ITGAM: variants seen among roughly 807,000 people sequenced by gnomAD.
ITGAM encodes the protein integrin subunit alpha M.
ITGAM carries 79 observed loss-of-function variants against 137.5 expected under a neutral mutation model. That is an observed-to-expected ratio of 0.57 (90% CI 0.48 to 0.69). The LOEUF is 0.69. Ranked by LOEUF, ITGAM falls within the 30% of genes least tolerant of loss-of-function variation. The pLI, the probability that ITGAM is intolerant of heterozygous loss-of-function variation, is 0.00. For missense variants in ITGAM, 1,343 were observed against 1,483.5 expected (o/e 0.91, Z 1.56); for synonymous variants, 583 against 592.3 (o/e 0.98, Z 0.23).
chr16:31,269,220 C>G (rs912594032), intron 5 of ITGAM, among the ~76,000 whole-genome samples: 3 of 152,124 alleles, frequency 2.0e-5, no homozygotes, highest in Non-Finnish European at 2.9e-5. Flanking sequence ...TGGGCAGTGC[C>G]AGCTGATCCA....
intron 10 of ITGAM, 47 bp downstream of exon 10, chr16:31,276,791 A>G (rs2079911373): frequency 1.3e-6 from 2 of 1,572,430 alleles, no homozygotes; most frequent in Non-Finnish European, 1.7e-6. Flanking sequence ...GGGGGTAGCA[A>G]GAAGAGATAG....
Position 31,268,720 on chromosome 16 carries a change from G to A in ITGAM, c.428-2234G>A, listed in dbSNP as rs139724522. Among the ~76,000 whole-genome samples the A allele has an allele frequency of 3.1e-4, 47 of 152,268 alleles. No homozygotes were observed. The East Asian group carries it at 8.7e-3, about 28-fold the overall frequency. On this transcript the variant is annotated intron_variant, in intron 5 of 29. Transcript: ENST00000544665. ...TATTGGAGTAGAAAGGCCCTTGCCC[G>A]CTGCTCTTTGCTTGATGCCACCGCT...
intron 14 of ITGAM, among the ~76,000 whole-genome samples, chr16:31,314,073 G>T (rs1388826831): frequency 6.6e-6 from 1 of 151,904 alleles, no homozygotes; most frequent in African/African-American, 2.4e-5. Flanking sequence ...TTTTGATGGG[G>T]TTGTTTGTTT....
At chr16:31,312,967 C>G (rs1199600123) in intron 14 of ITGAM, among the ~76,000 whole-genome samples, 1 of 151,158 alleles carries the variant, frequency 6.6e-6, no homozygotes, top group African/African-American at 2.4e-5. Context: ...TGCCTGTAAT[C>G]CCAGCACTTT....
At chr16:31,261,198 C>CT (rs1017498448) in intron 1 of ITGAM, among the ~76,000 whole-genome samples, 4,061 of 123,114 alleles carry the variant, frequency 0.033, 154 homozygotes, top group African/African-American at 0.081. Context: ...ATGCTGCTAT[C>CT]TTTTTTTTTT....
intron 5 of ITGAM, among the ~76,000 whole-genome samples, chr16:31,267,057 G>A (rs1458131298): frequency 1.3e-5 from 2 of 151,880 alleles, no homozygotes; most frequent in African/African-American, 4.8e-5. Context: ...TAGCAGAGAC[G>A]GGGTTTCACC....
chr16:31,266,132 C>T lies in ITGAM; in HGVS notation c.412C>T (p.Pro138Ser). 1 of 1,613,392 alleles carries T rather than the reference C, an allele frequency of 6.2e-7. No individual in the cohort carries two copies. Among genetic ancestry groups the T allele is most frequent in the South Asian group, 1.1e-5 (1 of 91,068 alleles). ...CCTACGGCAGCAGCCCCAGAAGTTCCCAGAGGCCCTCCGAGGTGGGTTGCC... is the reference window on the plus strand; with the variant it reads ...CCTACGGCAGCAGCCCCAGAAGTTCTCAGAGGCCCTCCGAGGTGGGTTGCC... ...SNLRQQPQKF[P>S]EALRGCPQED... Residue 138 changes from proline (P) to serine (S), a missense_variant, in exon 5 of 30, where the codon CCA (proline) becomes TCA (serine). Physicochemically the swap from Pro to Ser is moderately conservative, Grantham distance 74. Coordinates refer to ENST00000544665, the MANE Select transcript of ITGAM (RefSeq NM_000632.4).
At chr16:31,265,773 C>G in intron 3 of ITGAM, 38 bp from the exon 4 acceptor site, 1 of 1,586,790 alleles carries the variant, frequency 6.3e-7, no homozygotes, top group South Asian at 1.1e-5. Context: ...TTCTCTGTCC[C>G]CCCACCAGGG....
chr16:31,287,871 A>T (rs1309200736), intron 12 of ITGAM, among the ~76,000 whole-genome samples: 2 of 152,070 alleles, frequency 1.3e-5, no homozygotes, highest in Admixed American at 6.5e-5. Flanking sequence ...TCAAGTGTGG[A>T]TTGGATGCCA....
At chr16:31,267,659 CT>C (rs200033998) in intron 5 of ITGAM, among the ~76,000 whole-genome samples, 2 of 149,170 alleles carry the variant, frequency 1.3e-5, no homozygotes, top group Admixed American at 6.7e-5. Flanking sequence ...TTTCTTTTTT[CT>C]TTTTTTTTTG....
At chr16:31,292,672 G>A (rs1311592505) in intron 12 of ITGAM, among the ~76,000 whole-genome samples, 1 of 152,008 alleles carries the variant, frequency 6.6e-6, no homozygotes, top group Non-Finnish European at 1.5e-5. Flanking sequence ...TTATTGGTGG[G>A]CATTTAGGTT....
chr16:31,321,465 T>A lies in ITGAM; in HGVS notation c.1840T>A (p.Ser614Thr). 2 of 1,613,900 alleles carry A rather than the reference T, an allele frequency of 1.2e-6. No individual in the cohort carries two copies. The highest frequency in any genetic ancestry group is 1.6e-4 in the Middle Eastern group (1 of 6,062). ...GATGGTTTTCTGGTGTCCCTTTAGGTCCCAGCCAGTACTGAGAGTCAAGGC... is the reference window on the plus strand; with the variant it reads ...GATGGTTTTCTGGTGTCCCTTTAGGACCCAGCCAGTACTGAGAGTCAAGGC... ...GAQGHVLLLR[S>T]QPVLRVKAIM... is the part of the protein sequence containing the mutation. Residue 614 changes from serine to threonine, a missense_variant and splice_region_variant, in exon 16 of 30, where the codon TCC becomes ACC. Physicochemically the swap from Ser to Thr is moderately conservative, Grantham distance 58 (BLOSUM62 1). Transcript: ENST00000544665.
chr16:31,263,939 G>A lies in ITGAM; in HGVS notation c.135-1456G>A, dbSNP rs1267917254. On this transcript the variant is annotated intron_variant, in intron 2 of 29. Coordinates refer to ENST00000544665, the MANE Select transcript of ITGAM (RefSeq NM_000632.4). ...CAACCTCTGCCTCCTGGGTTCAAGC[G>A]ATTCTCCTGCCTCAGCCTCCCGAGT... 2.0e-5 allele frequency among the ~76,000 whole-genome samples: 3 copies of A among 151,610 alleles called. No homozygotes were observed. The South Asian group carries it at 6.2e-4, about 32-fold the overall frequency.
Position 31,271,081 on chromosome 16 carries a change from CT to C in ITGAM, c.557del (p.Leu186CysfsTer4), listed in dbSNP as rs1159652843. 2 of 1,562,958 alleles carry C rather than the reference CT, an allele frequency of 1.3e-6. No individual in the cohort carries two copies. Among genetic ancestry groups the C allele is most frequent in the Non-Finnish European group, 1.7e-6 (2 of 1,149,416 alleles). The part of the protein sequence containing the change: ...VMEQLKKSKT[L>X]FSLMQYSEEF... Reference sequence around the variant, plus strand: ...TGGAGCAATTAAAAAAGTCCAAAACCTTGGTGAGGGCCCAGGGGTAGGTTAG... The same window carrying C: ...TGGAGCAATTAAAAAAGTCCAAAACCTGGTGAGGGCCCAGGGGTAGGTTAG... On this transcript the variant is annotated frameshift_variant and splice_region_variant, in exon 6 of 30. Transcript: ENST00000544665. LOFTEE classifies it high-confidence loss of function.
chr16:31,314,003 G>A (rs772871776), intron 14 of ITGAM, among the ~76,000 whole-genome samples: 1 of 150,942 alleles, frequency 6.6e-6, no homozygotes, highest in Non-Finnish European at 1.5e-5. Flanking sequence ...TTTTTCATAT[G>A]TTTGTTGGCC....
Position 31,297,814 on chromosome 16 carries a change from G to GCC in ITGAM, c.1569_1570dup (p.Leu524ProfsTer2). 6.2e-7 allele frequency: 1 copy of GCC among 1,612,816 alleles called. No homozygotes were observed. The highest frequency in any genetic ancestry group is 1.3e-5 in the African/African-American group (1 of 74,964). The stretch of plus-strand genomic sequence containing the variant: ...CCAACCCTGGGGCCGCTTTGGGGCA[G>GCC]CCCTAACAGTGCTGGGGGACGTAAA... On this transcript the variant is annotated frameshift_variant, in exon 14 of 30. Coordinates refer to ENST00000544665, the MANE Select transcript of ITGAM (RefSeq NM_000632.4). LOFTEE classifies it high-confidence loss of function.
At position 31,324,030 on chromosome 16, in the gene ITGAM, A is replaced by G. The variant is rs1227596474; in HGVS notation, c.2003-369A>G. On this transcript the variant is annotated intron_variant, in intron 16 of 29. Transcript: ENST00000544665. The surrounding 1 kb of genome is among the most constrained non-coding windows in gnomAD (Gnocchi z 4.5). Reference sequence around the variant, plus strand: ...TCTGTCTCAAAAAAGAAAATAAAAAATAAAAAGAAAGGAAGGAAGGAAGAA... The same window carrying G: ...TCTGTCTCAAAAAAGAAAATAAAAAGTAAAAAGAAAGGAAGGAAGGAAGAA... Among the ~76,000 whole-genome samples, 1 of 151,906 alleles carries G rather than the reference A, an allele frequency of 6.6e-6. No homozygotes were observed. The highest frequency in any genetic ancestry group is 1.5e-5 in the Non-Finnish European group (1 of 67,994).
chr16:31,316,388 A>AG (rs71151471), intron 14 of ITGAM, among the ~76,000 whole-genome samples: 1 of 65,490 alleles, frequency 1.5e-5, no homozygotes, highest in Non-Finnish European at 4.4e-5. Flanking sequence ...CTCCGTCTGG[A>AG]AAAAAAAAAA....
chr16:31,329,808 TG>T lies in ITGAM; in HGVS notation c.2883del (p.Gln962ArgfsTer16). ...VMQHQYQVSN[L>X]GQRSLPISLV... ...CCCTCCCCGGTGCAGGTCAGCAACCTGGGGCAGAGGAGCCTCCCCATCAGCC... is the reference window on the plus strand; with the variant it reads ...CCCTCCCCGGTGCAGGTCAGCAACCTGGGCAGAGGAGCCTCCCCATCAGCC... On this transcript the variant is annotated frameshift_variant, in exon 25 of 30. Transcript: ENST00000544665. LOFTEE classifies it high-confidence loss of function. 1.9e-6 allele frequency: 3 copies of T among 1,555,656 alleles called. No individual in the cohort carries two copies. The highest frequency in any genetic ancestry group is 2.6e-6 in the Non-Finnish European group (3 of 1,149,562).
Sources: gnomAD v4.1 joint callset for allele counts (sites outside exome capture counted in the v4.1 genomes callset) on GRCh38, gnomAD v4.1.1 for gene constraint, Gnocchi (gnomAD v3.1) non-coding constraint, MANE v1.5 for transcripts, NCBI Gene and HGNC (gene_info 2026-07-23, HGNC 2026-07-21) for gene names.